Variants in NDUFAF6 observed in about 807,000 individuals in gnomAD.
NDUFAF6 encodes the protein NADH dehydrogenase (ubiquinone) complex I, assembly factor 6.
NDUFAF6 carries 45 observed loss-of-function variants against 40.8 expected under a neutral mutation model. The observed-to-expected ratio is 1.10, with a 90% CI of 0.87 to 1.42. NDUFAF6 has a LOEUF of 1.42. NDUFAF6 is among the 40% of genes most tolerant of loss of function. NDUFAF6 has a pLI of 0.00. For synonymous variants in NDUFAF6, 185 were observed against 155.9 expected (o/e 1.19, Z -1.39); for missense variants, 435 against 418.5 (o/e 1.04, Z -0.34).
At chr8:95,037,512 A>G (rs1204502628) in intron 3 of NDUFAF6, among the ~76,000 whole-genome samples, 1 of 152,220 alleles carries the variant, frequency 6.6e-6, no homozygotes, top group African/African-American at 2.4e-5. Context: ...CGATTGGCTG[A>G]TTCCTGGAAT....
At chr8:95,079,803 C>T (rs1225649440), downstream of NDUFAF6, among the ~76,000 whole-genome samples, 1 of 151,626 alleles carries the variant, frequency 6.6e-6, no homozygotes, top group Admixed American at 6.6e-5. Flanking sequence ...CAACCTCCGT[C>T]TCCCAGGCTC....
intron 2 of NDUFAF6, among the ~76,000 whole-genome samples, chr8:95,016,282 T>G (rs1827441906): frequency 6.6e-6 from 1 of 152,262 alleles, no homozygotes; most frequent in Admixed American, 6.5e-5. Flanking sequence ...ACATTTCTGT[T>G]TTTATAACTG....
In NDUFAF6 at chr8:94,925,947, T is replaced by C. The variant is rs374996367; in HGVS notation, c.-935-19536T>C. 2.8e-4 allele frequency: 43 copies of C among 152,720 alleles called. 1 individual carries two copies. Among genetic ancestry groups the C allele is most frequent in the African/African-American group, 1.0e-3 (43 of 41,566 alleles). The allele number at this position is 152,720 out of a possible 1,614,324, so 9.5% of individuals were successfully genotyped here. A position where few individuals can be genotyped will look rare whatever the true frequency, so the allele number is the denominator to read the frequency against. On this transcript the variant is annotated intron_variant, in intron 1 of 14. Transcript: ENST00000396113. Reference sequence around the variant, plus strand: ...TACCTCCTTTTAATATTAATGAGTATAAAGATAAAAGAATCTGACAAGTGT... The same window carrying C: ...TACCTCCTTTTAATATTAATGAGTACAAAGATAAAAGAATCTGACAAGTGT...
intron 2 of NDUFAF6, among the ~76,000 whole-genome samples, chr8:95,081,678 T>C (rs1338284383): frequency 6.6e-6 from 1 of 152,196 alleles, no homozygotes; most frequent in Non-Finnish European, 1.5e-5. Context: ...ATACTACATT[T>C]CAGTGAGAGT....
chr8:95,111,943 A>G (rs1810009326), intron 4 of NDUFAF6, among the ~76,000 whole-genome samples: 2 of 152,120 alleles, frequency 1.3e-5, no homozygotes, highest in South Asian at 2.1e-4. Flanking sequence ...TGCTTCCAGT[A>G]TGGTTCTTCT....
At chr8:94,914,459 T>C (rs1325404258) in intron 1 of NDUFAF6, among the ~76,000 whole-genome samples, 3 of 152,360 alleles carry the variant, frequency 2.0e-5, no homozygotes, top group African/African-American at 7.2e-5. Flanking sequence ...GATGTTGCTC[T>C]TTCCAGCCAC....
intron 8 of NDUFAF6, among the ~76,000 whole-genome samples, chr8:95,056,232 G>GT (rs1460711759): frequency 0.018 from 2,466 of 140,812 alleles, 62 homozygotes; most frequent in African/African-American, 0.052. Context: ...TTTCTGGATT[G>GT]TTTTTTTTTT....
At chr8:95,004,224 A>G (rs115617702) in intron 2 of NDUFAF6, among the ~76,000 whole-genome samples, 1,534 of 151,972 alleles carry the variant, frequency 0.01, 29 homozygotes, top group African/African-American at 0.035. Context: ...GCCTCCCTTC[A>G]TGACTATAGC....
In NDUFAF6 at chr8:94,962,522, G is replaced by A. The variant is rs1180855203; in HGVS notation, c.-199+4343G>A. Among the ~76,000 whole-genome samples the A allele has an allele frequency of 2.6e-5, 4 of 152,152 alleles. No individual in the cohort carries two copies. In the East Asian group the frequency reaches 7.7e-4, roughly 29 times the overall value. On this transcript the variant is annotated intron_variant, in intron 1 of 9. Transcript: ENST00000396111. ...TGGCCAGGCTAGTCTCAAACTCCTGGCCTCAAGTAATTCGACTGCCTTGAC... is the reference window on the plus strand; with the variant it reads ...TGGCCAGGCTAGTCTCAAACTCCTGACCTCAAGTAATTCGACTGCCTTGAC...
upstream of NDUFAF6, among the ~76,000 whole-genome samples, chr8:94,954,769 C>T (rs889861588): frequency 1.3e-5 from 2 of 152,060 alleles, no homozygotes; most frequent in Non-Finnish European, 2.9e-5. Context: ...CTGACCAGAC[C>T]CATAGGTTTA....
intron 2 of NDUFAF6, among the ~76,000 whole-genome samples, chr8:95,088,308 G>A (rs377610753): frequency 6.6e-6 from 1 of 152,208 alleles, no homozygotes; most frequent in African/African-American, 2.4e-5. Context: ...GGGTCCTAAT[G>A]TGAGGCTGCC....
At chr8:94,957,573 G>A (rs1039610008), upstream of NDUFAF6, among the ~76,000 whole-genome samples, 1 of 152,324 alleles carries the variant, frequency 6.6e-6, no homozygotes, top group South Asian at 2.1e-4. Flanking sequence ...AGAGAAGCCA[G>A]ATACAATGAG....
chr8:95,016,681 G>T (rs1827462277), intron 2 of NDUFAF6, among the ~76,000 whole-genome samples: 1 of 152,210 alleles, frequency 6.6e-6, no homozygotes, highest in Non-Finnish European at 1.5e-5. Flanking sequence ...GGTGGAGGTT[G>T]CAGTGAGCTG....
intron 2 of NDUFAF6, among the ~76,000 whole-genome samples, chr8:95,091,809 T>G (rs1441522339): frequency 7.1e-5 from 1 of 14,078 alleles, no homozygotes; most frequent in African/African-American, 6.8e-4. Flanking sequence ...CCTGGCTAAT[T>G]TTTTTTTTTT....
At chr8:94,927,068 G>C (rs1021427502) in intron 1 of NDUFAF6, 4 of 152,488 alleles carry the variant, frequency 2.6e-5, no homozygotes, top group African/African-American at 9.7e-5. Context: ...GTGTCTCCCA[G>C]TACAAGGAGC....
chr8:95,035,471 T>C lies in NDUFAF6; in HGVS notation c.315T>C (p.Ser105=), dbSNP rs759809961. The C allele has an allele frequency of 1.9e-6, 3 of 1,613,678 alleles. No homozygotes were observed. In the Admixed American group the frequency reaches 5.0e-5, roughly 27 times the overall value. ...GTTTATAGGTTAAAGACTCAGTCTC[T>C]GAGAAAACAATTGGACTGATGCGAA... is the stretch of plus-strand genomic sequence containing the variant. ...VELAQVKDSV[S]EKTIGLMRMQ... is the part of the protein sequence containing the mutation. Residue 105 remains serine (S), a synonymous_variant, in exon 3 of 9, where the codon TCT becomes TCC. Transcript: ENST00000396124.
chr8:94,932,574 C>A (rs1383048585), intron 1 of NDUFAF6, among the ~76,000 whole-genome samples: 1 of 152,142 alleles, frequency 6.6e-6, no homozygotes, highest in Non-Finnish European at 1.5e-5. Flanking sequence ...GAGGCTGAGG[C>A]GGGCGGATCG....
At chr8:95,113,374 G>T (rs542312375) in intron 4 of NDUFAF6, among the ~76,000 whole-genome samples, 1 of 152,308 alleles carries the variant, frequency 6.6e-6, no homozygotes, top group South Asian at 2.1e-4. Context: ...AGGTATAAGC[G>T]CTGGGAGGGA....
At chr8:95,116,163 C>CA (rs1280436719) in intron 5 of NDUFAF6, 7 of 157,932 alleles carry the variant, frequency 4.4e-5, no homozygotes, top group South Asian at 2.0e-4. Flanking sequence ...AAAACAAAAC[C>CA]AAAAAAACGA....
Sources: allele counts gnomAD v4.1 joint callset (sites outside exome capture counted in the v4.1 genomes callset), GRCh38; gene constraint gnomAD v4.1.1; transcripts MANE v1.5; gene names NCBI Gene and HGNC (gene_info 2026-07-23, HGNC 2026-07-21).